Variants in PCDHA5 observed in about 807,000 individuals in gnomAD.
The protein encoded by PCDHA5 is protocadherin alpha-5.
In PCDHA5, 43 loss-of-function variants were observed where a neutral mutation model predicts 61.6. That is an observed-to-expected ratio of 0.70 (90% CI 0.55 to 0.90). The LOEUF (loss-of-function observed/expected upper bound fraction) is 0.90. Ranked by LOEUF, PCDHA5 falls within the 40% of genes least tolerant of loss-of-function variation. The probability of loss-of-function intolerance (pLI) is 0.00; values close to 1 mark genes in which losing one functional copy is unlikely to be tolerated. For synonymous variants in PCDHA5, 627 were observed against 543.9 expected (o/e 1.15, Z -2.13); for missense variants, 1,298 against 1,222.7 (o/e 1.06, Z -0.92).
rs1767430616 is a variant in PCDHA5 at position 140,822,777 on chromosome 5, A to C, written c.1002A>C (p.Lys334Asn). The change falls in exon 1 of 4, where the codon AAA (lysine) becomes AAC (asparagine). Residue 334 changes from lysine to asparagine, a missense_variant. By Grantham distance (94) the Lys-to-Asn change is moderately conservative (BLOSUM62 0). Transcript: ENST00000529859. The stretch of plus-strand genomic sequence containing the variant: ...CATTCCCATTATCAGGACACTGTAA[A>C]GTAGTAGTGAAACTCCTGGATGTGA... ...KSTFPLSGHC[K>N]VVVKLLDVND... 1.2e-6 allele frequency: 2 copies of C among 1,614,096 alleles called. No individual in the cohort carries two copies. Among genetic ancestry groups the C allele is most frequent in the Non-Finnish European group, 1.7e-6 (2 of 1,179,948 alleles).
intron 1 of PCDHA5, among the ~76,000 whole-genome samples, chr5:140,855,354 G>T (rs1250277544): frequency 6.7e-6 from 1 of 149,904 alleles, no homozygotes; most frequent in Non-Finnish European, 1.5e-5. Context: ...AAGTCATGTG[G>T]CTAGTGAGTA....
chr5:140,868,751 C>A, intron 1 of PCDHA5: 1 of 215,966 alleles, frequency 4.6e-6, no homozygotes, highest in Non-Finnish European at 9.2e-6. Flanking sequence ...ATGCCATTTC[C>A]ATATATATTT....
chr5:140,841,209 T>A (rs1777094069), intron 1 of PCDHA5: 4 of 1,385,024 alleles, frequency 2.9e-6, no homozygotes, highest in Non-Finnish European at 3.9e-6. Context: ...AGCATCTGTC[T>A]CTAAAGGCCG....
chr5:140,858,243 C>G (rs781796341), intron 1 of PCDHA5: 1 of 1,595,896 alleles, frequency 6.3e-7, no homozygotes, highest in Non-Finnish European at 8.6e-7. Flanking sequence ...GCATGTGGGC[C>G]GGTGAAGCCC....
chr5:140,968,635 T>C, intron 1 of PCDHA5: 1 of 1,614,190 alleles, frequency 6.2e-7, no homozygotes, highest in East Asian at 2.2e-5. Context: ...TTTTTTACCA[T>C]CTAGCCCAGA....
chr5:140,961,728 A>G (rs2095632104), intron 1 of PCDHA5, among the ~76,000 whole-genome samples: 1 of 152,192 alleles, frequency 6.6e-6, no homozygotes, highest in East Asian at 1.9e-4. Context: ...GCTCATAAAC[A>G]ATCACTTTAG....
Position 140,857,664 on chromosome 5 carries a change from G to C in PCDHA5, c.2352+33537G>C, listed in dbSNP as rs201104305. Reference sequence around the variant, plus strand: ...CAGTTCCAGGTGAGCGCGCGCGATGGGGGCGTGCCGCCTCTGGGCAGCAAC... The same window carrying C: ...CAGTTCCAGGTGAGCGCGCGCGATGCGGGCGTGCCGCCTCTGGGCAGCAAC... On this transcript the variant is annotated intron_variant, in intron 1 of 3. Transcript: ENST00000529859. 3.7e-5 allele frequency: 59 copies of C among 1,591,986 alleles called. 7 individuals are homozygous for C. The highest frequency in any genetic ancestry group is 8.9e-5 in the East Asian group (4 of 44,792).
At chr5:141,003,928 G>A (rs1479798792) in intron 3 of PCDHA5, among the ~76,000 whole-genome samples, 1 of 152,128 alleles carries the variant, frequency 6.6e-6, no homozygotes, top group Non-Finnish European at 1.5e-5. Context: ...CCTCAGTCTT[G>A]TCTTTGCCTG....
intron 1 of PCDHA5, among the ~76,000 whole-genome samples, chr5:140,955,006 C>G (rs1304080416): frequency 6.6e-6 from 1 of 152,154 alleles, no homozygotes; most frequent in African/African-American, 2.4e-5. Flanking sequence ...AGCCAATTCT[C>G]CCAGCACCAT....
intron 1 of PCDHA5, among the ~76,000 whole-genome samples, chr5:140,855,023 G>A (rs115040572): frequency 1.3e-5 from 2 of 149,492 alleles, no homozygotes; most frequent in South Asian, 2.1e-4. Flanking sequence ...GAAACTTCTT[G>A]TATAAAGGAT....
At position 140,845,294 on chromosome 5, in the gene PCDHA5, A is replaced by G. The variant is rs2150378014; in HGVS notation, c.2352+21167A>G. Among the ~76,000 whole-genome samples, 474 of 149,590 alleles carry G rather than the reference A, an allele frequency of 3.2e-3. 41 individuals are homozygous for G. The highest frequency in any genetic ancestry group is 5.1e-3 in the Non-Finnish European group (342 of 66,782). On this transcript the variant is annotated intron_variant, in intron 1 of 3. Transcript: ENST00000529859. Reference sequence around the variant, plus strand: ...GAAAGTAATATTTCCTATCCTGTCTATGTCTACCTGGTTCTCAGGTATTAC... The same window carrying G: ...GAAAGTAATATTTCCTATCCTGTCTGTGTCTACCTGGTTCTCAGGTATTAC...
At chr5:141,004,013 G>C (rs1327248207) in intron 3 of PCDHA5, among the ~76,000 whole-genome samples, 4 of 152,124 alleles carry the variant, frequency 2.6e-5, no homozygotes, top group African/African-American at 9.7e-5. Context: ...AGGCAGCACT[G>C]AAAGAAGAAA....
chr5:140,865,961 T>C (rs1314413159), intron 1 of PCDHA5: 9 of 152,210 alleles, frequency 5.9e-5, no homozygotes, highest in Admixed American at 5.9e-4. Context: ...ATTAATTTTG[T>C]ACAATGTGTG....
At chr5:140,941,210 TC>T (rs2092849552) in intron 1 of PCDHA5, among the ~76,000 whole-genome samples, 1 of 100,630 alleles carries the variant, frequency 9.9e-6, no homozygotes, top group African/African-American at 5.4e-5. Flanking sequence ...TTCCTTTCTT[TC>T]TTCCTTTCTT....
chr5:140,920,640 T>C (rs1554199754), intron 1 of PCDHA5, among the ~76,000 whole-genome samples: 1 of 152,038 alleles, frequency 6.6e-6, no homozygotes, highest in African/African-American at 2.4e-5. Context: ...GGTCAAGAGA[T>C]TGAGACCATC....
intron 3 of PCDHA5, among the ~76,000 whole-genome samples, chr5:140,995,674 AT>A (rs1240189428): frequency 1.3e-5 from 2 of 151,994 alleles, no homozygotes; most frequent in Non-Finnish European, 2.9e-5. Flanking sequence ...TAAATGCAGC[AT>A]TTTTTTTAAT....
At chr5:140,898,899 C>A (rs1457821018) in intron 1 of PCDHA5, among the ~76,000 whole-genome samples, 2 of 152,072 alleles carry the variant, frequency 1.3e-5, no homozygotes, top group Non-Finnish European at 2.9e-5. Context: ...TTGAAGAGGT[C>A]CTTCACGTCC....
rs149166530 is a variant in PCDHA5, at chr5:140,990,443, A to G, written c.2500+7880A>G. Among the ~76,000 whole-genome samples the G allele has an allele frequency of 8.3e-4, 127 of 152,344 alleles. 2 individuals carry two copies. The East Asian group carries it at 0.024, about 29-fold the overall frequency. On this transcript the variant is annotated intron_variant, in intron 3 of 3. Transcript: ENST00000529859. ...CCAGCATTGACCCAATCTTGTGTCC[A>G]GAGCTGTTGCTGTAGGTGGTATCAT...
intron 1 of PCDHA5, chr5:140,850,132 G>T (rs2150469208): frequency 6.3e-7 from 1 of 1,595,756 alleles, no homozygotes; most frequent in Non-Finnish European, 8.6e-7. Flanking sequence ...CCGCCTCTGG[G>T]CAGCAACGTG....
Sources: gnomAD v4.1 joint callset for allele counts (sites outside exome capture counted in the v4.1 genomes callset) on GRCh38, gnomAD v4.1.1 for gene constraint, MANE v1.5 for transcripts, NCBI Gene and HGNC (gene_info 2026-07-23, HGNC 2026-07-21) for gene names.